The following TMEM117 variants were observed in gnomAD, a reference collection of about 807,000 sequenced individuals.
The protein encoded by TMEM117 is transmembrane protein 117.
TMEM117 carries 27 observed loss-of-function variants against 52.4 expected under a neutral mutation model. That is an observed-to-expected ratio of 0.51 (90% CI 0.38 to 0.71). The LOEUF is 0.71. Among genes scored for constraint, TMEM117 ranks in the 30% least tolerant of loss-of-function variants. The probability of loss-of-function intolerance (pLI) is 0.00; values close to 1 mark genes in which losing one functional copy is unlikely to be tolerated. For missense variants in TMEM117, 556 were observed against 630.5 expected (o/e 0.88, Z 1.26); for synonymous variants, 215 against 206.3 (o/e 1.04, Z -0.36).
At chr12:44,261,486 T>C (rs189178509) in intron 5 of TMEM117, among the ~76,000 whole-genome samples, 1 of 152,312 alleles carries the variant, frequency 6.6e-6, no homozygotes, top group East Asian at 1.9e-4. Context: ...TTGATATTAC[T>C]GAGGATTTGG....
At chr12:44,075,126 C>A (rs1451366352) in intron 3 of TMEM117, among the ~76,000 whole-genome samples, 1 of 152,198 alleles carries the variant, frequency 6.6e-6, no homozygotes, top group Non-Finnish European at 1.5e-5. Context: ...ATGTAAGAGA[C>A]TAGACCAGGG....
intron 6 of TMEM117, among the ~76,000 whole-genome samples, chr12:44,355,644 G>T (rs796772633): frequency 2.0e-5 from 3 of 152,134 alleles, no homozygotes; most frequent in African/African-American, 7.2e-5. Context: ...GGTTCATTCT[G>T]CCACCCTCCG....
chr12:44,269,991 C>T (rs1950427018), intron 5 of TMEM117, among the ~76,000 whole-genome samples: 1 of 151,960 alleles, frequency 6.6e-6, no homozygotes, highest in Admixed American at 6.6e-5. Flanking sequence ...TGTGAAACGA[C>T]CTGGAAAAAG....
intron 5 of TMEM117, among the ~76,000 whole-genome samples, chr12:44,237,949 A>G (rs1010751693): frequency 3.9e-5 from 6 of 152,198 alleles, no homozygotes; most frequent in African/African-American, 1.4e-4. Flanking sequence ...AATATACTCA[A>G]TAAAACAGTT....
chr12:43,844,103 A>AG (rs2137354296), intron 1 of TMEM117, among the ~76,000 whole-genome samples: 1 of 152,352 alleles, frequency 6.6e-6, no homozygotes, highest in South Asian at 2.1e-4. Context: ...TGGGAACTTT[A>AG]GGTGGGCAGA....
intron 3 of TMEM117, among the ~76,000 whole-genome samples, chr12:44,125,298 G>A (rs1189952061): frequency 3.9e-5 from 6 of 151,966 alleles, no homozygotes; most frequent in Admixed American, 1.3e-4. Context: ...TAGTAGAGAC[G>A]GGGTTTCACC....
chr12:44,314,454 G>T lies in TMEM117; in HGVS notation c.768+14715G>T, dbSNP rs187173283. Among the ~76,000 whole-genome samples, 403 of 151,956 alleles carry T rather than the reference G, an allele frequency of 2.7e-3. 6 individuals carry two copies. Among genetic ancestry groups the T allele is most frequent in the Admixed American group, 0.024 (373 of 15,252 alleles). ...TCTCAGGAATAAAGCCTACTTGATT[G>T]TGGTGACTTAACTTTTTGATATGCT... On this transcript the variant is annotated intron_variant, in intron 6 of 7. Transcript: ENST00000266534.
chr12:44,354,430 G>A (rs1296479368), intron 6 of TMEM117, among the ~76,000 whole-genome samples: 5 of 151,660 alleles, frequency 3.3e-5, no homozygotes, highest in African/African-American at 4.8e-5. Flanking sequence ...TAAAATACTG[G>A]CAAACCAAAT....
intron 3 of TMEM117, among the ~76,000 whole-genome samples, chr12:44,121,731 GA>G (rs1383170909): frequency 6.6e-6 from 1 of 152,094 alleles, no homozygotes; most frequent in Non-Finnish European, 1.5e-5. Flanking sequence ...AGGTTCAGGG[GA>G]TACATGTGCA....
Position 44,346,029 on chromosome 12 carries a change from T to C in TMEM117, c.769-30566T>C, listed in dbSNP as rs542661987. Among the ~76,000 whole-genome samples, 20 of 152,210 alleles carry C rather than the reference T, an allele frequency of 1.3e-4. 1 individual carries two copies. In the South Asian group the frequency reaches 3.9e-3, roughly 30 times the overall value. On this transcript the variant is annotated intron_variant, in intron 6 of 7. Coordinates refer to ENST00000266534, the MANE Select transcript of TMEM117 (RefSeq NM_032256.3). ...AAATTGTGATCTGTTAAACTATATC[T>C]TTTAAAGTATTGAATTATTTTCCCC...
chr12:44,227,892 C>T (rs114779490), intron 5 of TMEM117, among the ~76,000 whole-genome samples: 1,747 of 152,262 alleles, frequency 0.011, 22 homozygotes, highest in South Asian at 0.052. Context: ...TGCCACACAG[C>T]ATGTGGCTAC....
rs530684451 is a variant in TMEM117 at position 44,216,255 on chromosome 12, C to T, written c.608+4868C>T. Among the ~76,000 whole-genome samples the T allele has an allele frequency of 2.0e-5, 3 of 152,140 alleles. No individual in the cohort carries two copies. The South Asian group carries it at 6.2e-4, about 32-fold the overall frequency. ...ACCCCTGACCTCGCGATCTGCCCGC[C>T]TTGGCCTCACAAAATTCTGGGATTA... On this transcript the variant is annotated intron_variant, in intron 5 of 7. Coordinates refer to ENST00000266534, the MANE Select transcript of TMEM117 (RefSeq NM_032256.3).
intron 6 of TMEM117, among the ~76,000 whole-genome samples, chr12:44,351,513 T>C (rs1325173762): frequency 6.6e-6 from 1 of 151,960 alleles, no homozygotes; most frequent in Non-Finnish European, 1.5e-5. Context: ...AACCTTTAAT[T>C]CATTTTGATT....
At position 44,279,167 on chromosome 12, in the gene TMEM117, G is replaced by A. The variant is rs561569135; in HGVS notation, c.609-20413G>A. Among the ~76,000 whole-genome samples, 140 of 152,274 alleles carry A rather than the reference G, an allele frequency of 9.2e-4. 2 individuals are homozygous for A. The highest frequency in any genetic ancestry group is 3.4e-3 in the Middle Eastern group (1 of 294). On this transcript the variant is annotated intron_variant, in intron 5 of 7. Coordinates refer to ENST00000266534, the MANE Select transcript of TMEM117 (RefSeq NM_032256.3). ...TGATAAAGTCAAAGTCAAAAGCTAT[G>A]ACTGAGAAATATGTTTCTACAAAGT...
At chr12:44,236,402 C>A (rs960916914) in intron 5 of TMEM117, among the ~76,000 whole-genome samples, 1 of 151,996 alleles carries the variant, frequency 6.6e-6, no homozygotes, top group Non-Finnish European at 1.5e-5. Context: ...TCTCTTAAAC[C>A]TGTTCTTAAT....
At chr12:44,398,203 A>G in the TMEM117 span, among the ~76,000 whole-genome samples, 1 of 151,910 alleles carries the variant, frequency 6.6e-6, no homozygotes, top group Non-Finnish European at 1.5e-5. Context: ...AGCAAGAGCC[A>G]GGGGCCCAAT....
chr12:44,144,047 G>A (rs1299840404), intron 4 of TMEM117, among the ~76,000 whole-genome samples: 1 of 151,970 alleles, frequency 6.6e-6, no homozygotes, highest in African/African-American at 2.4e-5. Context: ...TGTCTCAGAA[G>A]ACCATATGAA....
chr12:43,990,417 A>G (rs775771725), intron 3 of TMEM117, among the ~76,000 whole-genome samples: 4 of 152,220 alleles, frequency 2.6e-5, no homozygotes, highest in Non-Finnish European at 5.9e-5. Context: ...TTGAAGTTTT[A>G]GAAAAAAGAT....
intron 2 of TMEM117, among the ~76,000 whole-genome samples, chr12:43,895,225 G>C (rs1327274002): frequency 6.6e-6 from 1 of 152,032 alleles, no homozygotes; most frequent in Admixed American, 6.5e-5. Context: ...TTTAGCTCCT[G>C]CTTGTCAATA....
Sources: gnomAD v4.1 joint callset for allele counts (sites outside exome capture counted in the v4.1 genomes callset) on GRCh38, gnomAD v4.1.1 for gene constraint, MANE v1.5 for transcripts, NCBI Gene and HGNC (gene_info 2026-07-23, HGNC 2026-07-21) for gene names.